The following KANSL1 variants were observed in gnomAD, a reference collection of about 807,000 sequenced individuals.
The protein encoded by KANSL1 is MLL1/MLL complex subunit KANSL1.
KANSL1 carries 22 observed loss-of-function variants against 103.6 expected under a neutral mutation model. That is an observed-to-expected ratio of 0.21 (90% CI 0.15 to 0.30). The LOEUF (loss-of-function observed/expected upper bound fraction) is 0.30. Among genes scored for constraint, KANSL1 ranks in the 10% least tolerant of loss-of-function variants. KANSL1 has a pLI of 1.00. For missense variants in KANSL1, 1,337 were observed against 1,399.8 expected (o/e 0.96, Z 0.72); for synonymous variants, 600 against 527.6 (o/e 1.14, Z -1.88).
intron 6 of KANSL1, among the ~76,000 whole-genome samples, chr17:46,062,043 G>A (rs1329570434): frequency 3.1e-5 from 4 of 127,526 alleles, no homozygotes; most frequent in Non-Finnish European, 6.3e-5. Flanking sequence ...AGTGAGCTGA[G>A]ATTGTGCCAT....
chr17:46,192,207 T>C (rs1439901418), intron 1 of KANSL1, among the ~76,000 whole-genome samples: 4 of 152,080 alleles, frequency 2.6e-5, no homozygotes, highest in African/African-American at 7.3e-5. Flanking sequence ...AACAAACTAT[T>C]TGCTAAGAAT....
intron 6 of KANSL1, among the ~76,000 whole-genome samples, chr17:46,052,813 A>AC (rs1555739591): frequency 1.4e-5 from 2 of 141,524 alleles, no homozygotes; most frequent in African/African-American, 5.0e-5. Flanking sequence ...AAAAAAAAAA[A>AC]ATTTAGCCCA....
intron 1 of KANSL1, among the ~76,000 whole-genome samples, chr17:46,209,982 C>G (rs549562160): frequency 2.5e-4 from 38 of 152,230 alleles, no homozygotes; most frequent in African/African-American, 8.9e-4. Context: ...TGAACCAAAA[C>G]GAACAAAAAA....
intron 1 of KANSL1, 82 bp from the exon 2 acceptor site, chr17:46,172,314 G>A: frequency 1.4e-6 from 1 of 719,014 alleles, no homozygotes; most frequent in Non-Finnish European, 2.2e-6. Flanking sequence ...CACTACTTGA[G>A]GCTGTTGTCT....
intron 1 of KANSL1, among the ~76,000 whole-genome samples, chr17:46,188,419 G>A (rs1391097934): frequency 6.6e-6 from 1 of 152,190 alleles, no homozygotes; most frequent in East Asian, 1.9e-4. Context: ...CATAGAAACT[G>A]TAATTTAAAC....
intron 1 of KANSL1, among the ~76,000 whole-genome samples, chr17:46,183,587 G>A (rs2046889108): frequency 6.6e-6 from 1 of 150,690 alleles, no homozygotes; most frequent in Admixed American, 6.6e-5. Context: ...GAGGAGAGAG[G>A]AGACAGGGGA....
intron 2 of KANSL1, among the ~76,000 whole-genome samples, chr17:46,151,050 A>G (rs2045070610): frequency 6.6e-6 from 1 of 152,266 alleles, no homozygotes; most frequent in Non-Finnish European, 1.5e-5. Flanking sequence ...ACAGAGAAGT[A>G]ATACAACATA....
At chr17:46,117,142 G>A (rs1330289414) in intron 2 of KANSL1, among the ~76,000 whole-genome samples, 1 of 152,202 alleles carries the variant, frequency 6.6e-6, no homozygotes, top group African/African-American at 2.4e-5. Flanking sequence ...AGAATATGGT[G>A]GATGTGGTAC....
Position 46,171,856 on chromosome 17 carries a change from C to T in KANSL1, c.288G>A (p.Leu96=). Residue 96 remains leucine, a synonymous_variant, in exon 2 of 15, where the codon TTG becomes TTA. Transcript: ENST00000432791. ...DVTSVPSKES[L]KLQGVFSKQT... ...GCTTGCTGAAGACCCCTTGCAACTT[C>T]AAAGACTCCTTTGAGGGAACAGATG... The T allele has an allele frequency of 3.1e-6, 5 of 1,614,246 alleles. No individual in the cohort carries two copies. Among genetic ancestry groups the T allele is most frequent in the Non-Finnish European group, 4.2e-6 (5 of 1,180,040 alleles).
chr17:46,202,081 G>A (rs958640072), intron 1 of KANSL1, among the ~76,000 whole-genome samples: 2 of 152,062 alleles, frequency 1.3e-5, no homozygotes, highest in African/African-American at 4.8e-5. Flanking sequence ...GGGAGGCTGA[G>A]GCAGGAGAAT....
chr17:46,162,858 T>C (rs2045815408), intron 2 of KANSL1, among the ~76,000 whole-genome samples: 1 of 152,260 alleles, frequency 6.6e-6, no homozygotes, highest in Non-Finnish European at 1.5e-5. Context: ...ACTTGTAAAA[T>C]ACACTATACT....
rs1377948726 is a variant in KANSL1, at chr17:46,050,515, G to T, written c.2020+18C>A. On this transcript the variant is annotated intron_variant, in intron 7 of 14. Coordinates refer to ENST00000432791, the MANE Select transcript of KANSL1 (RefSeq NM_015443.4). Reference sequence around the variant, plus strand: ...CAAGTTTCTTTCATTAGACTTTCTAGTCTGTGGTCTTTCTTACCATCTGGA... The same window carrying T: ...CAAGTTTCTTTCATTAGACTTTCTATTCTGTGGTCTTTCTTACCATCTGGA... 2 of 1,612,044 alleles carry T rather than the reference G, an allele frequency of 1.2e-6. No homozygotes were observed. Among genetic ancestry groups the T allele is most frequent in the Admixed American group, 3.3e-5 (2 of 59,914 alleles).
intron 2 of KANSL1, among the ~76,000 whole-genome samples, chr17:46,101,772 A>G (rs1455962904): frequency 2.0e-5 from 3 of 147,954 alleles, no homozygotes; most frequent in East Asian, 1.9e-4. Context: ...AAAAAAAAAA[A>G]AAAAAAAGAA....
At chr17:46,034,331 A>C in intron 10 of KANSL1, 46 bp from the exon 11 acceptor site, 1 of 1,603,200 alleles carries the variant, frequency 6.2e-7, no homozygotes, top group Non-Finnish European at 8.5e-7. Context: ...AATTTTACAG[A>C]CATCAAATCA....
rs768873689 is a variant in KANSL1 at position 46,171,074 on chromosome 17, G to A, written c.1070C>T (p.Ala357Val). Residue 357 changes from alanine to valine, a missense_variant, in exon 2 of 15, where the codon GCT (alanine) becomes GTT (valine). Around this residue, in one of 2 missense-constraint regions of KANSL1, gnomAD observed 557 missense variants for 476.4 expected, o/e 1.17. Coordinates refer to ENST00000432791, the MANE Select transcript of KANSL1 (RefSeq NM_015443.4). Reference sequence around the variant, plus strand: ...CTCTGAAGTGGTGGTCTCACTGGCAGCTTTTCTCAAGGCAGCTTCAGCCTT... The same window carrying A: ...CTCTGAAGTGGTGGTCTCACTGGCAACTTTTCTCAAGGCAGCTTCAGCCTT... ...TRKAEAALRK[A>V]ASETTTSEGL... 5 of 1,614,190 alleles carry A rather than the reference G, an allele frequency of 3.1e-6. No homozygotes were observed. The South Asian group carries it at 5.5e-5, about 18-fold the overall frequency.
intron 6 of KANSL1, among the ~76,000 whole-genome samples, chr17:46,060,411 G>A (rs141371243): frequency 0.014 from 2,096 of 152,228 alleles, 30 homozygotes; most frequent in South Asian, 0.052. Flanking sequence ...TTTTATCTCA[G>A]TCTTTCAAAA....
chr17:46,149,004 C>CTTT (rs77731269), intron 2 of KANSL1, among the ~76,000 whole-genome samples: 16 of 121,290 alleles, frequency 1.3e-4, no homozygotes, highest in African/African-American at 4.8e-4. Flanking sequence ...CTCTTTTTTT[C>CTTT]TTTTTTTTTT....
At chr17:46,153,554 C>A (rs1178637900) in intron 2 of KANSL1, among the ~76,000 whole-genome samples, 1 of 152,148 alleles carries the variant, frequency 6.6e-6, no homozygotes, top group East Asian at 1.9e-4. Flanking sequence ...GTGTACATGA[C>A]TTTTATGTAA....
At chr17:46,106,364 T>C (rs1029249757) in intron 2 of KANSL1, among the ~76,000 whole-genome samples, 2 of 152,230 alleles carry the variant, frequency 1.3e-5, no homozygotes, top group Non-Finnish European at 2.9e-5. Context: ...TTAGTTATTA[T>C]GTAAGATATC....
Sources: gnomAD v4.1 joint callset for allele counts (sites outside exome capture counted in the v4.1 genomes callset) on GRCh38, gnomAD v4.1.1 for gene constraint, gnomAD v4.1.1 regional missense constraint, MANE v1.5 for transcripts, NCBI Gene and HGNC (gene_info 2026-07-23, HGNC 2026-07-21) for gene names.